Variants in DOCK8 observed in about 807,000 individuals in gnomAD.
DOCK8 encodes the protein dedicator of cytokinesis protein 8.
DOCK8 carries 141 observed loss-of-function variants against 245.6 expected under a neutral mutation model. The observed-to-expected ratio is 0.57, with a 90% confidence interval of 0.50 to 0.66. The LOEUF is 0.66. Among genes scored for constraint, DOCK8 ranks in the 30% least tolerant of loss-of-function variants. The pLI, the probability that DOCK8 is intolerant of heterozygous loss-of-function variation, is 0.00. For missense variants in DOCK8, 2,965 were observed against 2,603.4 expected (o/e 1.14, Z -3.02); for synonymous variants, 1,168 against 970.2 (o/e 1.20, Z -3.79).
At chr9:374,407 G>A (rs1271114512) in intron 18 of DOCK8, among the ~76,000 whole-genome samples, 2 of 149,046 alleles carry the variant, frequency 1.3e-5, no homozygotes, top group South Asian at 4.2e-4. Context: ...CAGTCTTTAG[G>A]CTGTATTGAG....
At chr9:338,740 T>C (rs905187516) in intron 12 of DOCK8, among the ~76,000 whole-genome samples, 6 of 152,208 alleles carry the variant, frequency 3.9e-5, no homozygotes, top group African/African-American at 1.2e-4. Context: ...CCTGGTTTTC[T>C]AATGGTCAGA....
intron 1 of DOCK8, among the ~76,000 whole-genome samples, chr9:221,114 G>A (rs1383465359): frequency 6.6e-6 from 1 of 152,172 alleles, no homozygotes; most frequent in African/African-American, 2.4e-5. Context: ...ACCTCTGAAA[G>A]TATATATGAA....
In DOCK8 at chr9:426,947, T is replaced by C. The variant is rs1477713651; in HGVS notation, c.4304T>C (p.Leu1435Ser). The C allele has an allele frequency of 1.2e-6, 2 of 1,614,124 alleles. No individual in the cohort carries two copies. The highest frequency in any genetic ancestry group is 1.7e-6 in the Non-Finnish European group (2 of 1,180,024). Reference sequence around the variant, plus strand: ...GGCAATCTGGCTACAGAAGCACATTTAATCATCCTGGATATGCAGGAAAAC... The same window carrying C: ...GGCAATCTGGCTACAGAAGCACATTCAATCATCCTGGATATGCAGGAAAAC... ...ISGNLATEAHLIILDMQENII... is the reference protein window; with the variant it reads ...ISGNLATEAHSIILDMQENII... Residue 1435 changes from leucine (L) to serine (S), a missense_variant, in exon 34 of 48, where the codon TTA becomes TCA. Coordinates refer to ENST00000432829, the MANE Select transcript of DOCK8 (RefSeq NM_203447.4).
chr9:237,013 G>A (rs1323810589), intron 1 of DOCK8, among the ~76,000 whole-genome samples: 1 of 152,234 alleles, frequency 6.6e-6, no homozygotes, highest in Admixed American at 6.5e-5. Context: ...TATAGTTCTT[G>A]CCTGGCGGCA....
intron 26 of DOCK8, among the ~76,000 whole-genome samples, chr9:403,915 TA>T (rs1564021220): frequency 1.6e-4 from 13 of 81,242 alleles, no homozygotes; most frequent in African/African-American, 3.8e-4. Flanking sequence ...TATATATATA[TA>T]CATATATATA....
intron 14 of DOCK8, among the ~76,000 whole-genome samples, chr9:344,505 G>A (rs550566002): frequency 6.6e-6 from 1 of 152,108 alleles, no homozygotes; most frequent in African/African-American, 2.4e-5. Context: ...AAAGAATCGA[G>A]TGAGGTCTGA....
intron 1 of DOCK8, among the ~76,000 whole-genome samples, chr9:220,476 C>G (rs1587605444): frequency 6.6e-6 from 1 of 152,220 alleles, no homozygotes; most frequent in East Asian, 1.9e-4. Context: ...CTCAACTCCC[C>G]ATAAAGGTAG....
At chr9:243,107 T>G (rs2047416448) in intron 1 of DOCK8, among the ~76,000 whole-genome samples, 1 of 152,164 alleles carries the variant, frequency 6.6e-6, no homozygotes, top group Non-Finnish European at 1.5e-5. Flanking sequence ...CCCATCACTT[T>G]ATCAAAACTA....
At chr9:370,368 C>T (rs550840806) in intron 16 of DOCK8, 68 bp downstream of exon 16, 2 of 1,454,886 alleles carry the variant, frequency 1.4e-6, no homozygotes, top group African/African-American at 2.8e-5. Flanking sequence ...TTTCCAAGTC[C>T]CGTGGGTGGT....
intron 14 of DOCK8, among the ~76,000 whole-genome samples, chr9:345,615 G>T (rs2051843143): frequency 1.3e-5 from 2 of 152,128 alleles, no homozygotes; most frequent in African/African-American, 4.8e-5. Flanking sequence ...AGGAGCAGCT[G>T]CCATAGTGCC....
At chr9:307,068 T>C (rs988363600) in intron 5 of DOCK8, among the ~76,000 whole-genome samples, 7 of 151,886 alleles carry the variant, frequency 4.6e-5, no homozygotes, top group Non-Finnish European at 2.9e-5. Flanking sequence ...ACTACGAAGG[T>C]GAGAGGAATA....
At chr9:450,077 GT>G in intron 45 of DOCK8, 150 bp downstream of exon 45, 1 of 840,206 alleles carries the variant, frequency 1.2e-6, no homozygotes, top group Non-Finnish European at 1.8e-6. Flanking sequence ...CACCTGTAAG[GT>G]TTAGAAGACT....
rs1186416380 is a variant in DOCK8, at chr9:336,593, G to A, written c.1297G>A (p.Val433Met). 5.6e-6 allele frequency: 9 copies of A among 1,614,216 alleles called. No individual in the cohort carries two copies. Among genetic ancestry groups the A allele is most frequent in the South Asian group, 1.1e-5 (1 of 91,086 alleles). Residue 433 changes from valine (V) to methionine (M), a missense_variant, in exon 12 of 48, where the codon GTG becomes ATG. Val to Met is a conservative substitution (Grantham distance 21, BLOSUM62 1). This residue lies in a region of DOCK8 where 2,825 missense variants were observed against 2,453.5 expected (regional missense o/e 1.15). Coordinates refer to ENST00000432829, the MANE Select transcript of DOCK8 (RefSeq NM_203447.4). ...TGTTTTTCTTAAAGGGAGAAGCTCAGTGGGTGAACGGAGGACATTGGCCCA... is the reference window on the plus strand; with the variant it reads ...TGTTTTTCTTAAAGGGAGAAGCTCAATGGGTGAACGGAGGACATTGGCCCA... ...DVDSVVGRSS[V>M]GERRTLAQSR... is the part of the protein sequence containing the mutation.
intron 29 of DOCK8, among the ~76,000 whole-genome samples, chr9:416,534 C>T (rs1048202194): frequency 6.6e-6 from 1 of 152,194 alleles, no homozygotes; most frequent in South Asian, 2.1e-4. Flanking sequence ...CATGATGTAG[C>T]TGATGAGAGA....
At chr9:370,947 C>T (rs759928878) in intron 16 of DOCK8, among the ~76,000 whole-genome samples, 1 of 152,146 alleles carries the variant, frequency 6.6e-6, no homozygotes, top group African/African-American at 2.4e-5. Flanking sequence ...TTACAATGTA[C>T]GTAATGTACT....
chr9:399,610 A>C (rs898088379), intron 26 of DOCK8, among the ~76,000 whole-genome samples: 4 of 152,084 alleles, frequency 2.6e-5, no homozygotes, highest in Non-Finnish European at 5.9e-5. Flanking sequence ...TCCCAGTCTG[A>C]GGTCTCTTTT....
chr9:232,681 C>T lies in DOCK8; in HGVS notation c.53+17652C>T, dbSNP rs1245192391. 2.0e-4 allele frequency among the ~76,000 whole-genome samples: 30 copies of T among 152,212 alleles called. No homozygotes were observed. In the East Asian group the frequency reaches 3.1e-3, roughly 16 times the overall value. On this transcript the variant is annotated intron_variant, in intron 1 of 47. Coordinates refer to ENST00000432829, the MANE Select transcript of DOCK8 (RefSeq NM_203447.4). ...TCTTCTAGATTTTCTAGTTTATTTG[C>T]AAAGAGGTGTTTATAGTATTCTCTG...
chr9:366,463 C>T (rs548070599), intron 14 of DOCK8: 1 of 152,270 alleles, frequency 6.6e-6, no homozygotes, highest in South Asian at 2.1e-4. Flanking sequence ...CTCTCGAATA[C>T]CTGAGAGCAT....
At position 464,512 on chromosome 9, in the gene DOCK8, C is replaced by G; in HGVS notation, c.*293C>G. ...ACCAAACAAGGCATAAGCAGCTTCT[C>G]CTGCTGACTGGCCAATCACTGCCCA... On this transcript the variant is annotated 3_prime_UTR_variant, in exon 48 of 48. Transcript: ENST00000432829. 1 of 487,754 alleles carries G rather than the reference C, an allele frequency of 2.1e-6. No homozygotes were observed. The highest frequency in any genetic ancestry group is 3.7e-6 in the Non-Finnish European group (1 of 266,964). 30.2% of individuals were successfully genotyped at this position (487,754 alleles called of 1,614,324 possible).
Sources: allele counts gnomAD v4.1 joint callset (sites outside exome capture counted in the v4.1 genomes callset), GRCh38; gene constraint gnomAD v4.1.1; regional missense constraint gnomAD v4.1.1; transcripts MANE v1.5; gene names NCBI Gene and HGNC (gene_info 2026-07-23, HGNC 2026-07-21).